Variants in KALRN observed in about 807,000 individuals in gnomAD.
KALRN encodes the protein kalirin RhoGEF kinase.
KALRN carries 70 observed loss-of-function variants against 353.7 expected under a neutral mutation model. The observed-to-expected ratio is 0.20, with a 90% CI of 0.16 to 0.24. KALRN has a LOEUF of 0.24. KALRN is among the 10% of genes least tolerant of loss of function. The probability of loss-of-function intolerance (pLI) is 1.00; values close to 1 mark genes in which losing one functional copy is unlikely to be tolerated. For synonymous variants in KALRN, 1,391 were observed against 1,434.8 expected (o/e 0.97, Z 0.69); for missense variants, 2,791 against 3,756.7 (o/e 0.74, Z 6.72).
rs781690847 is a variant in KALRN at position 124,094,930 on chromosome 3, A to G, written c.73+61117A>G. ...GTATCCTGAGTGTGTGTATGCTTGT[A>G]TGAGAGACTGAGAGAGATAAATACA... On this transcript the variant is annotated intron_variant, in intron 1 of 59. Coordinates refer to ENST00000682506, the MANE Select transcript of KALRN (RefSeq NM_001388419.1). The G allele has an allele frequency of 1.6e-5, 26 of 1,602,228 alleles. No individual in the cohort carries two copies. The Admixed American group carries it at 4.0e-4, about 25-fold the overall frequency.
At chr3:124,664,360 TGTGTGTGTGTGC>T (rs1559800570) in intron 45 of KALRN, among the ~76,000 whole-genome samples, 2 of 123,842 alleles carry the variant, frequency 1.6e-5, no homozygotes, top group East Asian at 2.9e-4. Context: ...TGTGTGTGTG[TGTGTGTGTGTGC>T]GCGCGCGCGC....
intron 37 of KALRN, among the ~76,000 whole-genome samples, chr3:124,646,012 GTC>G (rs1391095886): frequency 2.0e-5 from 3 of 151,896 alleles, no homozygotes; most frequent in Non-Finnish European, 4.4e-5. Flanking sequence ...CTGCCTCCCT[GTC>G]TGGGAATCGG....
At chr3:124,483,638 G>T (rs536125973) in intron 28 of KALRN, among the ~76,000 whole-genome samples, 1 of 152,268 alleles carries the variant, frequency 6.6e-6, no homozygotes, top group African/African-American at 2.4e-5. Flanking sequence ...CGAGGCCAGG[G>T]TGGCACCTAC....
At position 124,334,199 on chromosome 3, in the gene KALRN, C is replaced by A; in HGVS notation, c.1417-66C>A. 1 of 1,376,516 alleles carries A rather than the reference C, an allele frequency of 7.3e-7. No individual in the cohort carries two copies. The highest frequency in any genetic ancestry group is 1.2e-5 in the South Asian group (1 of 84,074). 85.3% of individuals were successfully genotyped at this position (1,376,516 alleles called of 1,614,324 possible). On this transcript the variant is annotated intron_variant, in intron 8 of 59. Coordinates refer to ENST00000682506, the MANE Select transcript of KALRN (RefSeq NM_001388419.1). The surrounding 1 kb of genome is among the most constrained non-coding windows in gnomAD (Gnocchi z 4.2). ...GTCAGGGACCCTCAGGCAGACACTT[C>A]CTGCTTCTCTCTGTGCCCTGCCTAT...
intron 9 of KALRN, among the ~76,000 whole-genome samples, chr3:124,344,892 G>T (rs2082119126): frequency 6.6e-6 from 1 of 152,164 alleles, no homozygotes. Context: ...ACTTAAAAAG[G>T]AAACAAATTG....
chr3:124,164,080 C>A, intron 1 of KALRN: 2 of 652,342 alleles, frequency 3.1e-6, no homozygotes, highest in Non-Finnish European at 3.8e-6. Flanking sequence ...CCAGATTGGA[C>A]AGTGACCTTG....
At chr3:124,079,292 C>T (rs1053313804) in intron 1 of KALRN, among the ~76,000 whole-genome samples, 6 of 152,048 alleles carry the variant, frequency 3.9e-5, no homozygotes, top group South Asian at 2.1e-4. Context: ...AAGGGGTCTC[C>T]GTAGACCCTG....
intron 13 of KALRN, among the ~76,000 whole-genome samples, chr3:124,409,703 T>C (rs1012195546): frequency 5.9e-5 from 9 of 152,204 alleles, no homozygotes; most frequent in Non-Finnish European, 1.2e-4. Flanking sequence ...ACAACTATTT[T>C]TCTTTTTAAA....
At chr3:124,077,909 G>T (rs2060341135) in intron 1 of KALRN, among the ~76,000 whole-genome samples, 1 of 152,294 alleles carries the variant, frequency 6.6e-6, no homozygotes, top group Admixed American at 6.5e-5. Context: ...GACATCATGG[G>T]CAGTTTTCTT....
chr3:124,623,858 G>A (rs534253126), intron 34 of KALRN, among the ~76,000 whole-genome samples: 1 of 152,174 alleles, frequency 6.6e-6, no homozygotes, highest in Non-Finnish European at 1.5e-5. Flanking sequence ...CAATGGACTG[G>A]TTAGGATATG....
intron 13 of KALRN, among the ~76,000 whole-genome samples, chr3:124,399,128 C>CGTTTTGTTTT (rs111243510): frequency 2.0e-5 from 3 of 151,250 alleles, no homozygotes; most frequent in Non-Finnish European, 3.0e-5. Flanking sequence ...TGTTTTTGTT[C>CGTTTTGTTTT]GTTTTGTTTT....
chr3:124,058,397 A>T (rs1306143703), intron 1 of KALRN, among the ~76,000 whole-genome samples: 1 of 151,968 alleles, frequency 6.6e-6, no homozygotes, highest in Non-Finnish European at 1.5e-5. Flanking sequence ...GGATGAGTTC[A>T]CTCATTTTGT....
intron 5 of KALRN, among the ~76,000 whole-genome samples, chr3:124,281,633 T>G (rs1384671655): frequency 5.3e-5 from 8 of 152,248 alleles, no homozygotes; most frequent in Admixed American, 5.2e-4. Context: ...TGTTCTGCCC[T>G]GTTGGAGGTG....
chr3:124,535,487 G>C (rs2068431946), intron 33 of KALRN, among the ~76,000 whole-genome samples: 1 of 152,124 alleles, frequency 6.6e-6, no homozygotes, highest in Non-Finnish European at 1.5e-5. Flanking sequence ...TGGTCACTTG[G>C]GTTTCAGATC....
intron 1 of KALRN, among the ~76,000 whole-genome samples, chr3:124,221,113 C>G (rs1364351390): frequency 6.6e-6 from 1 of 152,166 alleles, no homozygotes; most frequent in Non-Finnish European, 1.5e-5. Context: ...CAGAGCCCAC[C>G]CTCCTCCATG....
At chr3:124,358,602 T>C (rs2083676221) in intron 10 of KALRN, among the ~76,000 whole-genome samples, 1 of 152,236 alleles carries the variant, frequency 6.6e-6, no homozygotes, top group South Asian at 2.1e-4. Flanking sequence ...ATTTTTTTCC[T>C]TCCCCTTTTT....
intron 16 of KALRN, among the ~76,000 whole-genome samples, chr3:124,432,849 A>G (rs1387099688): frequency 6.6e-6 from 1 of 152,204 alleles, no homozygotes; most frequent in Non-Finnish European, 1.5e-5. Context: ...CTTGGAATTG[A>G]TGTTGAGATA....
intron 34 of KALRN, among the ~76,000 whole-genome samples, chr3:124,595,954 C>T (rs333251): frequency 6.6e-6 from 1 of 151,988 alleles, no homozygotes; most frequent in Non-Finnish European, 1.5e-5. Flanking sequence ...ATGATGATTA[C>T]GAACTTGGAA....
chr3:124,330,993 T>C (rs1200151536), intron 8 of KALRN, among the ~76,000 whole-genome samples: 2 of 152,204 alleles, frequency 1.3e-5, no homozygotes, highest in Non-Finnish European at 2.9e-5. Context: ...CAATGGCTCC[T>C]AGGTAAGAGT....
Sources: allele counts gnomAD v4.1 joint callset (sites outside exome capture counted in the v4.1 genomes callset), GRCh38; gene constraint gnomAD v4.1.1; non-coding constraint Gnocchi (gnomAD v3.1); transcripts MANE v1.5; gene names NCBI Gene and HGNC (gene_info 2026-07-23, HGNC 2026-07-21).